The following CAPRIN2 variants were observed in gnomAD, a reference collection of about 807,000 sequenced individuals.
CAPRIN2 encodes the protein caprin-2.
CAPRIN2 carries 66 observed loss-of-function variants against 130.4 expected under a neutral mutation model. The ratio of observed to expected loss-of-function variants is 0.51; its 90% CI spans 0.42 to 0.62. CAPRIN2 has a LOEUF of 0.62. Ranked by LOEUF, CAPRIN2 falls within the 20% of genes least tolerant of loss-of-function variation. CAPRIN2 has a pLI of 0.00. For synonymous variants in CAPRIN2, 471 were observed against 444.1 expected (o/e 1.06, Z -0.76); for missense variants, 1,185 against 1,246.6 (o/e 0.95, Z 0.74).
chr12:30,753,426 G>A, exon 1 of CAPRIN2: 1 of 1,614,094 alleles, frequency 6.2e-7, no homozygotes, highest in Non-Finnish European at 8.5e-7. Flanking sequence ...TTGGGAAGGA[G>A]ATGCAGCAGA....
chr12:30,724,407 C>T (rs1282326143), exon 10 of CAPRIN2: 12 of 1,613,250 alleles, frequency 7.4e-6, no homozygotes, highest in South Asian at 3.3e-5. Context: ...GCGGTTGTGA[C>T]GTTGGAATTG....
chr12:30,731,284 C>T (rs1032976558), intron 6 of CAPRIN2, 59 bp downstream of exon 7: 38 of 1,338,764 alleles, frequency 2.8e-5, no homozygotes, highest in Non-Finnish European at 3.7e-5. Context: ...CAATACGTGA[C>T]TCATTTGGGG....
exon 14 of CAPRIN2, chr12:30,715,086 G>A (rs2057008397): frequency 1.2e-6 from 2 of 1,613,936 alleles, no homozygotes; most frequent in Non-Finnish European, 8.5e-7. Context: ...TCTGTGCTGG[G>A]TAAAAGGCAA....
intron 10 of CAPRIN2, among the ~76,000 whole-genome samples, chr12:30,723,637 T>A (rs751288439): frequency 1.3e-5 from 2 of 151,872 alleles, no homozygotes; most frequent in Admixed American, 1.3e-4. Flanking sequence ...CAGGCTACCA[T>A]GTATAGTAAT....
At chr12:30,727,932 T>C (rs1484625537) in intron 8 of CAPRIN2, among the ~76,000 whole-genome samples, 4 of 152,094 alleles carry the variant, frequency 2.6e-5, no homozygotes, top group Non-Finnish European at 4.4e-5. Flanking sequence ...CAAGAGAATA[T>C]AGAAAAATAT....
chr12:30,728,536 C>CA, intron 8 of CAPRIN2, 112 bp downstream of exon 9: 1 of 831,898 alleles, frequency 1.2e-6, no homozygotes, highest in Non-Finnish European at 1.8e-6. Context: ...GCCTGGGTAA[C>CA]AGAGTGTTTC....
At position 30,715,100 on chromosome 12, in the gene CAPRIN2, T is replaced by A. The variant is rs760513010; in HGVS notation, c.2359A>T (p.Ser787Cys). ...GTCTGTGCTGGGTAAAAGGCAAGGCTACCATTGCTTACTTGAATAGTTCCA... is the reference window on the plus strand; with the variant it reads ...GTCTGTGCTGGGTAAAAGGCAAGGCAACCATTGCTTACTTGAATAGTTCCA... Residue 787 changes from serine to cysteine, a missense_variant, in exon 14 of 17, where the codon AGC (serine) becomes TGC (cysteine). Physicochemically the swap from Ser to Cys is moderately radical, Grantham distance 112. Transcript: ENST00000298892. The A allele has an allele frequency of 3.1e-6, 5 of 1,614,100 alleles. No individual in the cohort carries two copies. In the South Asian group the frequency reaches 4.4e-5, roughly 14 times the overall value.
chr12:30,721,256 A>C (rs2059327675), intron 11 of CAPRIN2, among the ~76,000 whole-genome samples: 1 of 152,148 alleles, frequency 6.6e-6, no homozygotes, highest in Non-Finnish European at 1.5e-5. Context: ...ATCTCATCCC[A>C]TGTTCACTGA....
At chr12:30,721,731 C>G (rs1180203035) in intron 11 of CAPRIN2, among the ~76,000 whole-genome samples, 2 of 152,120 alleles carry the variant, frequency 1.3e-5, no homozygotes, top group Non-Finnish European at 1.5e-5. Context: ...GAACTGGAAA[C>G]TAATGAAGGG....
At chr12:30,739,854 A>AT (rs1196938072) in intron 3 of CAPRIN2, among the ~76,000 whole-genome samples, 1 of 152,186 alleles carries the variant, frequency 6.6e-6, no homozygotes, top group Admixed American at 6.5e-5. Flanking sequence ...CAAGGTAGGC[A>AT]TTTTTTACAC....
rs189126264 is a variant in CAPRIN2 at position 30,753,759 on chromosome 12, T to C, written c.5A>G (p.Glu2Gly). 4 of 1,602,464 alleles carry C rather than the reference T, an allele frequency of 2.5e-6. No homozygotes were observed. In the Admixed American group the frequency reaches 6.8e-5, roughly 27 times the overall value. The change falls in exon 1 of 17, where the codon GAA becomes GGA. Residue 2 changes from glutamate (E) to glycine (G), a missense_variant. This residue lies in a region of CAPRIN2 where 1,104 missense variants were observed against 1,104.3 expected (regional missense o/e 1.00). Coordinates refer to ENST00000298892, the Ensembl canonical transcript of CAPRIN2. Reference sequence around the variant, plus strand: ...CAATGATGCTTGAGATACTTGTACTTCCATCCTACTTTTAAAGTAATTAGT... The same window carrying C: ...CAATGATGCTTGAGATACTTGTACTCCCATCCTACTTTTAAAGTAATTAGT...
chr12:30,746,734 G>C (rs1283864975), intron 2 of CAPRIN2, among the ~76,000 whole-genome samples: 1 of 151,510 alleles, frequency 6.6e-6, no homozygotes, highest in Non-Finnish European at 1.5e-5. Context: ...GGAAGCTGCA[G>C]AAGAAAAGTT....
At chr12:30,724,712 C>T (rs1341562836) in intron 9 of CAPRIN2, among the ~76,000 whole-genome samples, 11 of 152,104 alleles carry the variant, frequency 7.2e-5, no homozygotes, top group Non-Finnish European at 1.6e-4. Context: ...AAGAGTAGGC[C>T]GTGCGCAGTG....
exon 5 of CAPRIN2, chr12:30,733,665 A>C (rs748572870): frequency 2.5e-6 from 4 of 1,613,540 alleles, no homozygotes; most frequent in Non-Finnish European, 3.4e-6. Context: ...CTACCTTCCA[A>C]AAGGTCCCAA....
chr12:30,734,160 G>A (rs752017904), intron 4 of CAPRIN2, among the ~76,000 whole-genome samples: 3 of 152,174 alleles, frequency 2.0e-5, no homozygotes, highest in African/African-American at 7.2e-5. Flanking sequence ...AGTGAAGGAG[G>A]CAATGTATAG....
At chr12:30,729,100 G>C (rs779448941) in exon 8 of CAPRIN2, 2 of 1,614,090 alleles carry the variant, frequency 1.2e-6, no homozygotes, top group Non-Finnish European at 1.7e-6. Context: ...GAGGTGTCTT[G>C]TTTCCTCTGT....
chr12:30,719,235 A>G lies in CAPRIN2; in HGVS notation c.2148+1576T>C. On this transcript the variant is annotated intron_variant, in intron 12 of 16. Coordinates refer to ENST00000298892, the Ensembl canonical transcript of CAPRIN2. ...CTGGGGGAATTGCTGCCTGGGGAGG[A>G]GAAATGCAGCATCAGCCAATCACCT... is the stretch of plus-strand genomic sequence containing the variant. 1.2e-6 allele frequency: 2 copies of G among 1,613,602 alleles called. No individual in the cohort carries two copies. Among genetic ancestry groups the G allele is most frequent in the South Asian group, 1.1e-5 (1 of 91,008 alleles).
chr12:30,742,885 A>T (rs940231779), intron 2 of CAPRIN2, among the ~76,000 whole-genome samples: 1 of 152,158 alleles, frequency 6.6e-6, no homozygotes, highest in African/African-American at 2.4e-5. Flanking sequence ...TTATAATAAA[A>T]ACGTACAGAG....
intron 3 of CAPRIN2, among the ~76,000 whole-genome samples, chr12:30,737,747 G>A (rs1364119332): frequency 2.6e-5 from 4 of 151,786 alleles, no homozygotes; most frequent in South Asian, 2.1e-4. Context: ...ACAGGCACCC[G>A]CCACCACGCC....
Sources: gnomAD v4.1 joint callset for allele counts (sites outside exome capture counted in the v4.1 genomes callset) on GRCh38, gnomAD v4.1.1 for gene constraint, gnomAD v4.1.1 regional missense constraint, MANE v1.5 for transcripts, NCBI Gene and HGNC (gene_info 2026-07-23, HGNC 2026-07-21) for gene names.